Variants in PHLPP1 observed in about 807,000 individuals in gnomAD.
PHLPP1 encodes PH domain and leucine rich repeat protein phosphatase 1, also known as PH domain leucine-rich repeat-containing protein phosphatase 1.
A neutral mutation model predicts 117.2 loss-of-function variants in PHLPP1; 42 were observed. That is an observed-to-expected ratio of 0.36 (90% CI 0.28 to 0.46). The LOEUF (loss-of-function observed/expected upper bound fraction) is 0.46, where lower values mean the gene tolerates loss of function less well. Ranked by LOEUF, PHLPP1 falls within the 20% of genes least tolerant of loss-of-function variation. The pLI, the probability that PHLPP1 is intolerant of heterozygous loss-of-function variation, is 1.00. For synonymous variants in PHLPP1, 1,042 were observed against 970.7 expected, an observed-to-expected ratio of 1.07 and a Z score of -1.37; for missense variants, 2,084 against 2,241.9, an observed-to-expected ratio of 0.93 and a Z score of 1.42.
chr18:62,842,276 TTTGGGGAAAGGATGGCAGACA>T (rs1488672613), intron 3 of PHLPP1, among the ~76,000 whole-genome samples: 1 of 152,192 alleles, frequency 6.6e-6, no homozygotes, highest in East Asian at 1.9e-4. Flanking sequence ...ATGGCAGCCT[TTTGGGGAAAGGATGGCAGACA>T]TTGGGGAAAT....
intron 3 of PHLPP1, among the ~76,000 whole-genome samples, chr18:62,847,755 G>C (rs1915218441): frequency 6.6e-6 from 1 of 152,136 alleles, no homozygotes; most frequent in South Asian, 2.1e-4. Flanking sequence ...AGAGACTTAA[G>C]ATTTGGAAAA....
At chr18:62,961,220 T>TG (rs1405200106) in intron 13 of PHLPP1, among the ~76,000 whole-genome samples, 1 of 152,130 alleles carries the variant, frequency 6.6e-6, no homozygotes, top group Non-Finnish European at 1.5e-5. Context: ...CACTTGAACC[T>TG]GGGGGCGGAG....
In PHLPP1 at chr18:62,726,117, TACACAC is replaced by T. The variant is rs146915477; in HGVS notation, c.1576+8873_1576+8878del. 2.6e-3 allele frequency among the ~76,000 whole-genome samples: 395 copies of T among 149,662 alleles called. 2 individuals carry two copies. Among genetic ancestry groups the T allele is most frequent in the African/African-American group, 9.2e-3 (378 of 40,874 alleles). ...CACACTATATATATGTATGTGTATA[TACACAC>T]ACACACACACACACGCATGTTCTCC... is the stretch of plus-strand genomic sequence containing the variant. On this transcript the variant is annotated intron_variant, in intron 1 of 16. Coordinates refer to ENST00000262719, the MANE Select transcript of PHLPP1 (RefSeq NM_194449.4).
At chr18:62,945,808 T>C (rs994841225) in intron 12 of PHLPP1, among the ~76,000 whole-genome samples, 2 of 152,196 alleles carry the variant, frequency 1.3e-5, no homozygotes, top group African/African-American at 4.8e-5. Context: ...TTATTGTCAT[T>C]TGATAAGTAA....
At chr18:62,964,781 G>T (rs1910858567) in intron 14 of PHLPP1, among the ~76,000 whole-genome samples, 1 of 152,146 alleles carries the variant, frequency 6.6e-6, no homozygotes, top group African/African-American at 2.4e-5. Context: ...ACAAACACCA[G>T]TAAATGAAAC....
chr18:62,858,605 A>G (rs186302665), intron 3 of PHLPP1, among the ~76,000 whole-genome samples: 32 of 152,158 alleles, frequency 2.1e-4, no homozygotes, highest in African/African-American at 7.2e-4. Context: ...GGATACTTTT[A>G]GCATCAGGAG....
chr18:62,782,757 G>A (rs577361637), intron 1 of PHLPP1, among the ~76,000 whole-genome samples: 11 of 152,234 alleles, frequency 7.2e-5, no homozygotes, highest in African/African-American at 2.6e-4. Context: ...TAAATTATTT[G>A]AGGGAAGGAG....
intron 10 of PHLPP1, among the ~76,000 whole-genome samples, chr18:62,938,879 C>A (rs940728584): frequency 6.6e-6 from 1 of 151,952 alleles, no homozygotes; most frequent in Non-Finnish European, 1.5e-5. Flanking sequence ...CTTTTTCTGG[C>A]CTAAAAAATA....
chr18:62,749,933 T>C (rs1329008902), intron 1 of PHLPP1, among the ~76,000 whole-genome samples: 2 of 152,158 alleles, frequency 1.3e-5, no homozygotes, highest in Non-Finnish European at 2.9e-5. Flanking sequence ...GGAGAATCTC[T>C]TAAACCCCGG....
chr18:62,978,301 C>T lies in PHLPP1; in HGVS notation c.4024C>T (p.Leu1342=). The change falls in exon 17 of 17, where the codon CTG becomes TTG. Residue 1342 remains leucine (L), a synonymous_variant. Transcript: ENST00000262719. The surrounding 1 kb of genome is among the most constrained non-coding windows in gnomAD (Gnocchi z 7.0). ...VNGVTESTRI[L]GYTFLHPSVV... is the part of the protein sequence containing the mutation. ...CGGAGTGACTGAGTCCACGCGCATC[C>T]TGGGCTACACCTTCCTCCATCCCAG... 6.2e-7 allele frequency: 1 copy of T among 1,612,088 alleles called. No homozygotes were observed. The highest frequency in any genetic ancestry group is 1.7e-5 in the Admixed American group (1 of 59,896).
At chr18:62,932,313 C>CAGCA (rs1909839905) in intron 10 of PHLPP1, among the ~76,000 whole-genome samples, 1 of 151,332 alleles carries the variant, frequency 6.6e-6, no homozygotes, top group Admixed American at 6.6e-5. Context: ...GACAAGGATA[C>CAGCA]AAAAAGGAAA....
intron 1 of PHLPP1, among the ~76,000 whole-genome samples, chr18:62,730,496 A>C (rs1911196550): frequency 6.6e-6 from 1 of 151,732 alleles, no homozygotes; most frequent in Non-Finnish European, 1.5e-5. Context: ...CATTTATTAG[A>C]GAGAGAGAGA....
chr18:62,844,905 G>GT (rs929206286), intron 3 of PHLPP1, among the ~76,000 whole-genome samples: 2 of 152,190 alleles, frequency 1.3e-5, no homozygotes, highest in Non-Finnish European at 2.9e-5. Context: ...AATGAGAACA[G>GT]TTTACTACAT....
At chr18:62,744,628 G>A (rs1366543266) in intron 1 of PHLPP1, among the ~76,000 whole-genome samples, 1 of 152,200 alleles carries the variant, frequency 6.6e-6, no homozygotes, top group African/African-American at 2.4e-5. Context: ...GAGTAAGGGA[G>A]AAAAGGAACC....
chr18:62,901,340 G>A (rs1178070763), intron 6 of PHLPP1, among the ~76,000 whole-genome samples: 5 of 152,026 alleles, frequency 3.3e-5, no homozygotes, highest in Admixed American at 3.3e-4. Flanking sequence ...GAAATAAGCA[G>A]ATTGCTGGGT....
rs368977089 is a variant in PHLPP1 at position 62,975,473 on chromosome 18, G to A, written c.3832G>A (p.Gly1278Arg). 5 of 1,613,072 alleles carry A rather than the reference G, an allele frequency of 3.1e-6. No individual in the cohort carries two copies. In the African/African-American group the frequency reaches 6.7e-5, roughly 22 times the overall value. Reference sequence around the variant, plus strand: ...TATCAAGCATGACCCTGTGGATCCAGGAGGATCCTTCACCTTGACCTCTGC... The same window carrying A: ...TATCAAGCATGACCCTGTGGATCCAAGAGGATCCTTCACCTTGACCTCTGC... ...CHIKHDPVDP[G>R]GSFTLTSANV... Residue 1278 changes from glycine to arginine, a missense_variant, in exon 16 of 17, where the codon GGA (glycine) becomes AGA (arginine). Coordinates refer to ENST00000262719, the MANE Select transcript of PHLPP1 (RefSeq NM_194449.4).
At chr18:62,931,484 T>A (rs1909804660) in intron 10 of PHLPP1, among the ~76,000 whole-genome samples, 1 of 128,386 alleles carries the variant, frequency 7.8e-6, no homozygotes, top group African/African-American at 3.0e-5. Flanking sequence ...AAGAAATAAC[T>A]AAAATCAGAG....
intron 1 of PHLPP1, among the ~76,000 whole-genome samples, chr18:62,756,374 A>G (rs1356906591): frequency 6.6e-6 from 1 of 152,208 alleles, no homozygotes; most frequent in Non-Finnish European, 1.5e-5. Flanking sequence ...GAAGGAGAGG[A>G]GGCCCACACA....
At chr18:62,773,309 T>C (rs140242973) in intron 1 of PHLPP1, among the ~76,000 whole-genome samples, 1 of 152,330 alleles carries the variant, frequency 6.6e-6, no homozygotes, top group African/African-American at 2.4e-5. Context: ...CAAGTCTCCA[T>C]AGGTAGAAGG....
Sources: gnomAD v4.1 joint callset for allele counts (sites outside exome capture counted in the v4.1 genomes callset) on GRCh38, gnomAD v4.1.1 for gene constraint, Gnocchi (gnomAD v3.1) non-coding constraint, MANE v1.5 for transcripts, NCBI Gene and HGNC (gene_info 2026-07-23, HGNC 2026-07-21) for gene names.